The following SEPTIN14 variants were observed in gnomAD, a reference collection of about 807,000 sequenced individuals.
The protein encoded by SEPTIN14 is septin 14, also known as septin-14.
Under a neutral mutation model 53.6 loss-of-function variants are expected in SEPTIN14, and 40 were observed. That is an observed-to-expected ratio of 0.75 (90% CI 0.58 to 0.97). The LOEUF (loss-of-function observed/expected upper bound fraction) is 0.97. SEPTIN14 is among the 50% of genes least tolerant of loss of function. The probability of loss-of-function intolerance (pLI) is 0.00; values close to 1 mark genes in which losing one functional copy is unlikely to be tolerated. For synonymous variants in SEPTIN14, 138 were observed against 166.8 expected, an observed-to-expected ratio of 0.83 and a Z score of 1.33; for missense variants, 471 against 508.2, an observed-to-expected ratio of 0.93 and a Z score of 0.70.
intron 2 of SEPTIN14, among the ~76,000 whole-genome samples, chr7:55,858,181 T>C (rs185886278): frequency 2.3e-4 from 35 of 152,200 alleles, no homozygotes; most frequent in Non-Finnish European, 5.9e-5. Flanking sequence ...CAAAGAAAGC[T>C]TGAAGCCCTA....
chr7:55,799,280 T>C (rs6972161), intron 9 of SEPTIN14, among the ~76,000 whole-genome samples: 91,183 of 150,270 alleles, frequency 0.61, 30,160 homozygotes, highest in African/African-American at 0.87. Flanking sequence ...CCAAGGCAAA[T>C]GGATCACTTG....
At chr7:55,797,643 A>G (rs918876025) in intron 9 of SEPTIN14, among the ~76,000 whole-genome samples, 3 of 152,228 alleles carry the variant, frequency 2.0e-5, no homozygotes, top group African/African-American at 7.2e-5. Context: ...TGTACCTTAA[A>G]AGAAATGCTT....
chr7:55,854,669 C>T (rs1038969091), intron 2 of SEPTIN14, among the ~76,000 whole-genome samples: 1 of 152,076 alleles, frequency 6.6e-6, no homozygotes, highest in Non-Finnish European at 1.5e-5. Flanking sequence ...ACCTTGTGAT[C>T]CGCCCACCTC....
chr7:55,843,561 C>T (rs188426991), intron 4 of SEPTIN14, among the ~76,000 whole-genome samples: 58 of 152,278 alleles, frequency 3.8e-4, no homozygotes, highest in African/African-American at 3.4e-4. Flanking sequence ...TGGCCGGGCG[C>T]GGTGGCTCAC....
At chr7:55,845,787 C>T (rs1442221902) in intron 3 of SEPTIN14, among the ~76,000 whole-genome samples, 3 of 151,564 alleles carry the variant, frequency 2.0e-5, no homozygotes, top group African/African-American at 4.8e-5. Context: ...CGGTGGCTCA[C>T]GCCTGTAATC....
chr7:55,854,356 C>T (rs1789570261), intron 2 of SEPTIN14, among the ~76,000 whole-genome samples: 1 of 152,090 alleles, frequency 6.6e-6, no homozygotes, highest in African/African-American at 2.4e-5. Flanking sequence ...TAATAGTAAA[C>T]ATCTGAGTGC....
intron 3 of SEPTIN14, among the ~76,000 whole-genome samples, 194 bp from the exon 4 acceptor site, chr7:55,844,912 C>CTTT (rs34738740): frequency 6.9e-6 from 1 of 145,918 alleles, no homozygotes; most frequent in Non-Finnish European, 1.5e-5. Flanking sequence ...TACAAAGTTT[C>CTTT]TTTTTTTTTT....
intron 2 of SEPTIN14, among the ~76,000 whole-genome samples, chr7:55,852,371 A>T (rs1562720539): frequency 6.6e-6 from 1 of 152,200 alleles, no homozygotes; most frequent in Non-Finnish European, 1.5e-5. Flanking sequence ...TACAGAACTC[A>T]GAAATAAATT....
At chr7:55,822,147 C>A (rs1280404971) in intron 6 of SEPTIN14, among the ~76,000 whole-genome samples, 1 of 152,108 alleles carries the variant, frequency 6.6e-6, no homozygotes, top group Non-Finnish European at 1.5e-5. Flanking sequence ...AGATATGATT[C>A]AAGTTGAGAT....
rs181636286 is a variant in SEPTIN14 at position 55,855,584 on chromosome 7, G to C, written c.54+6359C>G. On this transcript the variant is annotated intron_variant, in intron 2 of 9. Coordinates refer to ENST00000388975, the MANE Select transcript of SEPTIN14 (RefSeq NM_207366.3). ...TTTTCTTTTCTTTTTGAGACAGAGT[G>C]TCGCTCTATTGACCAGGCTGGAGTG... is the stretch of plus-strand genomic sequence containing the variant. 2.7e-3 allele frequency among the ~76,000 whole-genome samples: 406 copies of C among 151,814 alleles called. 4 individuals are homozygous for C. Among genetic ancestry groups the C allele is most frequent in the Middle Eastern group, 0.01 (3 of 294 alleles).
chr7:55,834,424 C>T lies in SEPTIN14; in HGVS notation c.720+1G>A. ...TTGTCAGATATGTTACTGAAACTTA[C>T]ACTAACTGAGGAGTTCGCTTGAGCA... is the stretch of plus-strand genomic sequence containing the variant. On this transcript the variant is annotated splice_donor_variant, in intron 6 of 9. Coordinates refer to ENST00000388975, the MANE Select transcript of SEPTIN14 (RefSeq NM_207366.3). LOFTEE classifies it high-confidence loss of function. The T allele has an allele frequency of 6.2e-7, 1 of 1,600,102 alleles. No individual in the cohort carries two copies. Among genetic ancestry groups the T allele is most frequent in the Non-Finnish European group, 8.5e-7 (1 of 1,174,838 alleles).
intron 7 of SEPTIN14, among the ~76,000 whole-genome samples, chr7:55,816,587 A>G (rs1433972292): frequency 6.6e-6 from 1 of 151,790 alleles, no homozygotes; most frequent in Non-Finnish European, 1.5e-5. Context: ...ACCTGAGGTC[A>G]GGAGTTTGAG....
At chr7:55,826,431 G>A (rs938131350) in intron 6 of SEPTIN14, among the ~76,000 whole-genome samples, 6 of 152,142 alleles carry the variant, frequency 3.9e-5, no homozygotes, top group Admixed American at 6.6e-5. Context: ...AAGAAACAGT[G>A]GGATGATTCA....
chr7:55,805,717 A>G (rs1788601175), intron 8 of SEPTIN14, among the ~76,000 whole-genome samples: 2 of 152,150 alleles, frequency 1.3e-5, no homozygotes, highest in African/African-American at 4.8e-5. Context: ...TATAGACAGT[A>G]TATGTAAAGA....
At chr7:55,847,177 CA>C (rs1352638613) in intron 2 of SEPTIN14, among the ~76,000 whole-genome samples, 1 of 151,942 alleles carries the variant, frequency 6.6e-6, no homozygotes, top group Non-Finnish European at 1.5e-5. Flanking sequence ...CACTGCACTC[CA>C]GCCTGGGTGA....
At chr7:55,858,880 G>A (rs1789695009) in intron 2 of SEPTIN14, among the ~76,000 whole-genome samples, 1 of 152,146 alleles carries the variant, frequency 6.6e-6, no homozygotes, top group Non-Finnish European at 1.5e-5. Flanking sequence ...TTTACTCAGA[G>A]AAACACAAAC....
chr7:55,801,919 T>C (rs567712287), intron 9 of SEPTIN14, among the ~76,000 whole-genome samples: 1 of 152,150 alleles, frequency 6.6e-6, no homozygotes, highest in African/African-American at 2.4e-5. Context: ...AGATCTTGTC[T>C]TAAATAGATA....
Position 55,819,211 on chromosome 7 carries a change from A to G in SEPTIN14, c.733T>C (p.Phe245Leu). 1 of 1,566,580 alleles carries G rather than the reference A, an allele frequency of 6.4e-7. No individual in the cohort carries two copies. ...TCATCTGTACTCCCTACCACAGCAA[A>G]GGGTAACAGCCCCTAGAAAACAAGA... Reference protein sequence around the residue: ...ANSSVSGLLPFAVVGSTDEVK... With the variant: ...ANSSVSGLLPLAVVGSTDEVK... The change falls in exon 7 of 10, where the codon TTT (phenylalanine) becomes CTT (leucine). Residue 245 changes from phenylalanine to leucine, a missense_variant. Phe to Leu is a conservative substitution (Grantham distance 22). Transcript: ENST00000388975.
Position 55,794,256 on chromosome 7 carries a change from A to C in SEPTIN14, c.*1657T>G, listed in dbSNP as rs1449962897. ...TAGATGTTATTTTTAAATATGGAAT[A>C]ATATTGGTGATTTCAGTTTCAGTTT... is the stretch of plus-strand genomic sequence containing the variant. On this transcript the variant is annotated 3_prime_UTR_variant, in exon 10 of 10. Coordinates refer to ENST00000388975, the MANE Select transcript of SEPTIN14 (RefSeq NM_207366.3). 1.3e-5 allele frequency: 2 copies of C among 152,168 alleles called. No homozygotes were observed. Among genetic ancestry groups the C allele is most frequent in the Non-Finnish European group, 2.9e-5 (2 of 68,030 alleles). 9.4% of individuals were successfully genotyped at this position (152,168 alleles called of 1,614,324 possible).
Sources: allele counts gnomAD v4.1 joint callset (sites outside exome capture counted in the v4.1 genomes callset), GRCh38; gene constraint gnomAD v4.1.1; transcripts MANE v1.5; gene names NCBI Gene and HGNC (gene_info 2026-07-23, HGNC 2026-07-21).